Variants in NUDT3 observed in about 807,000 individuals in gnomAD.
NUDT3 encodes the protein nudix hydrolase 3.
In NUDT3, 9 loss-of-function variants were observed where a neutral mutation model predicts 23.6. The ratio of observed to expected loss-of-function variants is 0.38; its 90% CI spans 0.23 to 0.66. The LOEUF (loss-of-function observed/expected upper bound fraction) is 0.66. Ranked by LOEUF, NUDT3 falls within the 30% of genes least tolerant of loss-of-function variation. NUDT3 has a pLI of 0.52. For missense variants in NUDT3, 172 were observed against 218.5 expected, an observed-to-expected ratio of 0.79 and a Z score of 1.34; for synonymous variants, 86 against 82.6, an observed-to-expected ratio of 1.04 and a Z score of -0.22.
intron 1 of NUDT3, among the ~76,000 whole-genome samples, chr6:34,368,544 C>T (rs556914516): frequency 6.6e-6 from 1 of 152,322 alleles, no homozygotes; most frequent in Admixed American, 6.5e-5. Flanking sequence ...AACAAAAACA[C>T]AGTATAGATG....
intron 2 of NUDT3, among the ~76,000 whole-genome samples, chr6:34,329,713 A>G (rs978185468): frequency 6.6e-6 from 1 of 152,178 alleles, no homozygotes; most frequent in African/African-American, 2.4e-5. Flanking sequence ...CAGGTTTGTT[A>G]CATATGTATA....
At chr6:34,390,371 A>G (rs1353402570) in intron 1 of NUDT3, among the ~76,000 whole-genome samples, 1 of 151,942 alleles carries the variant, frequency 6.6e-6, no homozygotes, top group Non-Finnish European at 1.5e-5. Context: ...GCCGTGAGGT[A>G]GCCTAAACAG....
intron 2 of NUDT3, among the ~76,000 whole-genome samples, chr6:34,322,744 T>A (rs1763964670): frequency 6.6e-6 from 1 of 152,214 alleles, no homozygotes; most frequent in African/African-American, 2.4e-5. Context: ...CATGGAATTA[T>A]TACAAATTTC....
chr6:34,373,597 G>A (rs887398331), intron 1 of NUDT3, among the ~76,000 whole-genome samples: 1 of 152,074 alleles, frequency 6.6e-6, no homozygotes, highest in African/African-American at 2.4e-5. Context: ...ATAATGGAAG[G>A]AAGACTACTA....
chr6:34,371,621 T>C (rs1764831346), intron 1 of NUDT3, among the ~76,000 whole-genome samples: 1 of 152,246 alleles, frequency 6.6e-6, no homozygotes, highest in Non-Finnish European at 1.5e-5. Context: ...TCAGTTTATG[T>C]GGTTCACTGA....
intron 2 of NUDT3, among the ~76,000 whole-genome samples, chr6:34,311,050 A>G (rs1763764197): frequency 6.6e-6 from 1 of 152,138 alleles, no homozygotes; most frequent in Admixed American, 6.5e-5. Flanking sequence ...TCAATTTGAT[A>G]CAGAGTAAGT....
At chr6:34,334,742 C>T (rs1379027104) in intron 2 of NUDT3, among the ~76,000 whole-genome samples, 1 of 151,926 alleles carries the variant, frequency 6.6e-6, no homozygotes, top group Admixed American at 6.6e-5. Context: ...AGACCCTCGG[C>T]AACATAGCAA....
intron 2 of NUDT3, among the ~76,000 whole-genome samples, chr6:34,313,408 T>C (rs1763805517): frequency 6.6e-6 from 1 of 152,086 alleles, no homozygotes; most frequent in African/African-American, 2.4e-5. Flanking sequence ...AACTATTCTG[T>C]GTGATACTAT....
rs1763318389 is a variant in NUDT3, at chr6:34,285,065, G to C, written c.*3688C>G. The C allele has an allele frequency of 6.6e-6, 1 of 152,236 alleles. No homozygotes were observed. Among genetic ancestry groups the C allele is most frequent in the South Asian group, 2.1e-4 (1 of 4,828 alleles). 9.4% of individuals were successfully genotyped at this position (152,236 alleles called of 1,614,324 possible). On this transcript the variant is annotated 3_prime_UTR_variant, in exon 5 of 5. Coordinates refer to ENST00000607016, the MANE Select transcript of NUDT3 (RefSeq NM_006703.4). Reference sequence around the variant, plus strand: ...CCTCGAGACCTTCTGCAGCCTGAGAGGGGGTGATACTCCCACACCCTTTGA... The same window carrying C: ...CCTCGAGACCTTCTGCAGCCTGAGACGGGGTGATACTCCCACACCCTTTGA...
chr6:34,306,995 T>C (rs1763690922), intron 2 of NUDT3, among the ~76,000 whole-genome samples: 2 of 152,182 alleles, frequency 1.3e-5, no homozygotes, highest in African/African-American at 4.8e-5. Flanking sequence ...TTTACAACAA[T>C]GTGGCCTATG....
chr6:34,353,057 C>A (rs1764501772), intron 1 of NUDT3, among the ~76,000 whole-genome samples: 1 of 152,034 alleles, frequency 6.6e-6, no homozygotes, highest in Non-Finnish European at 1.5e-5. Context: ...GAAAAGCAAG[C>A]CTTTTCTCTT....
intron 2 of NUDT3, among the ~76,000 whole-genome samples, chr6:34,302,490 T>TG (rs1359737325): frequency 2.6e-5 from 4 of 152,192 alleles, no homozygotes; most frequent in Admixed American, 2.6e-4. Flanking sequence ...CCCAGCACTT[T>TG]GGGAGGCCGA....
chr6:34,344,235 T>G (rs1764330792), intron 1 of NUDT3, among the ~76,000 whole-genome samples: 1 of 152,060 alleles, frequency 6.6e-6, no homozygotes, highest in Non-Finnish European at 1.5e-5. Context: ...AACAGACACT[T>G]CCATACAAAT....
At chr6:34,372,946 A>T (rs1764855277) in intron 1 of NUDT3, among the ~76,000 whole-genome samples, 1 of 150,692 alleles carries the variant, frequency 6.6e-6, no homozygotes, top group South Asian at 2.1e-4. Context: ...ACTAAATCTG[A>T]CAGGCTTTAA....
chr6:34,338,920 T>C (rs1442084820), intron 2 of NUDT3, among the ~76,000 whole-genome samples: 1 of 152,210 alleles, frequency 6.6e-6, no homozygotes, highest in East Asian at 1.9e-4. Flanking sequence ...TAATGATTTA[T>C]TAAGGGATAA....
intron 1 of NUDT3, among the ~76,000 whole-genome samples, chr6:34,380,125 C>G (rs1274253695): frequency 1.3e-5 from 2 of 151,776 alleles, no homozygotes; most frequent in Non-Finnish European, 2.9e-5. Flanking sequence ...CTCTTGTTGC[C>G]CAGACTGGAG....
intron 2 of NUDT3, among the ~76,000 whole-genome samples, chr6:34,340,378 T>C (rs1764270001): frequency 6.6e-6 from 1 of 152,234 alleles, no homozygotes; most frequent in South Asian, 2.1e-4. Flanking sequence ...TTCATACTCA[T>C]GTTCTCGTTT....
rs1023998316 is a variant in NUDT3 at position 34,299,410 on chromosome 6, A to G, written c.211-3725T>C. On this transcript the variant is annotated intron_variant, in intron 2 of 4. Coordinates refer to ENST00000607016, the MANE Select transcript of NUDT3 (RefSeq NM_006703.4). Reference sequence around the variant, plus strand: ...AGTACTTTAGGCCTGGTTAACAAAAATAATCTGAACAATTGCCTACCCTTT... The same window carrying G: ...AGTACTTTAGGCCTGGTTAACAAAAGTAATCTGAACAATTGCCTACCCTTT... 3.3e-5 allele frequency among the ~76,000 whole-genome samples: 5 copies of G among 152,228 alleles called. No homozygotes were observed. In the East Asian group the frequency reaches 5.8e-4, roughly 18 times the overall value.
intron 2 of NUDT3, among the ~76,000 whole-genome samples, chr6:34,329,270 A>C (rs1406123125): frequency 4.6e-5 from 7 of 152,262 alleles, no homozygotes; most frequent in South Asian, 2.1e-4. Flanking sequence ...AAATATATAT[A>C]TAAAAAAGAG....
Sources: gnomAD v4.1 joint callset for allele counts (sites outside exome capture counted in the v4.1 genomes callset) on GRCh38, gnomAD v4.1.1 for gene constraint, MANE v1.5 for transcripts, NCBI Gene and HGNC (gene_info 2026-07-23, HGNC 2026-07-21) for gene names.